Variants in WWOX observed in about 807,000 individuals in gnomAD.
The protein encoded by WWOX is WW domain containing oxidoreductase.
In WWOX, 69 loss-of-function variants were observed where a neutral mutation model predicts 46.2. That is an observed-to-expected ratio of 1.49 (90% CI 1.23 to 1.82). The LOEUF is 1.82. Ranked by LOEUF, WWOX falls within the 40% of genes most tolerant of loss-of-function variation. The pLI is 0.00. For synonymous variants in WWOX, 359 were observed against 202.6 expected, an observed-to-expected ratio of 1.77 and a Z score of -6.56; for missense variants, 919 against 542.6, an observed-to-expected ratio of 1.69 and a Z score of -6.89.
intron 4 of WWOX, among the ~76,000 whole-genome samples, chr16:78,118,655 T>C (rs2032935812): frequency 6.6e-6 from 1 of 152,174 alleles, no homozygotes; most frequent in Admixed American, 6.5e-5. Flanking sequence ...ATCATCTAGC[T>C]CGCAAAACTG....
chr16:79,059,903 T>G (rs2048329156), intron 8 of WWOX, among the ~76,000 whole-genome samples: 1 of 152,332 alleles, frequency 6.6e-6, no homozygotes, highest in South Asian at 2.1e-4. Flanking sequence ...TTTATCAAGT[T>G]CAGATTCTTT....
At position 78,346,619 on chromosome 16, in the gene WWOX, T is replaced by TA. The variant is rs200482206; in HGVS notation, c.517-40241_517-40240insA. Among the ~76,000 whole-genome samples, 2 of 120,060 alleles carry TA rather than the reference T, an allele frequency of 1.7e-5. 1 individual carries two copies. The allele number at this position is 120,060 out of a possible 152,430, so 78.8% of individuals were successfully genotyped here. A position where few individuals can be genotyped will look rare whatever the true frequency, so the allele number is the denominator to read the frequency against. ...GTACATAGTGGTATTTTGTTGTATA[T>TA]TTTTTTTTAATTGTGAAATATGTGA... On this transcript the variant is annotated intron_variant, in intron 5 of 8. Coordinates refer to ENST00000566780, the MANE Select transcript of WWOX (RefSeq NM_016373.4).
At chr16:78,570,526 C>T (rs749282841) in intron 8 of WWOX, among the ~76,000 whole-genome samples, 28 of 152,018 alleles carry the variant, frequency 1.8e-4, no homozygotes, top group African/African-American at 4.8e-5. Flanking sequence ...GTTGCTCAGG[C>T]TGGTCTCATA....
intron 5 of WWOX, among the ~76,000 whole-genome samples, chr16:78,248,780 A>C (rs977108315): frequency 2.6e-5 from 4 of 152,050 alleles, no homozygotes; most frequent in Non-Finnish European, 5.9e-5. Context: ...GTGGGGACAC[A>C]GATTCAAACC....
intron 8 of WWOX, chr16:79,004,172 T>G (rs2047148079): frequency 6.6e-6 from 1 of 152,216 alleles, no homozygotes; most frequent in Non-Finnish European, 1.5e-5. Flanking sequence ...AGAAGACCAC[T>G]GGTTTTGTTT....
At chr16:78,982,931 C>T (rs2046711475) in intron 8 of WWOX, among the ~76,000 whole-genome samples, 1 of 152,130 alleles carries the variant, frequency 6.6e-6, no homozygotes, top group African/African-American at 2.4e-5. Context: ...TAAAATTACC[C>T]TGAGCAGATT....
rs1255345048 is a variant in WWOX at position 79,211,821 on chromosome 16, A to C, written c.*25A>C. Reference sequence around the variant, plus strand: ...AGTGGAGCTCAGAGCGGATGGGCACACACACCCGCCCTGTGTGTGTCCCCT... The same window carrying C: ...AGTGGAGCTCAGAGCGGATGGGCACCCACACCCGCCCTGTGTGTGTCCCCT... On this transcript the variant is annotated 3_prime_UTR_variant, in exon 9 of 9. Coordinates refer to ENST00000566780, the MANE Select transcript of WWOX (RefSeq NM_016373.4). The C allele has an allele frequency of 2.5e-6, 4 of 1,613,590 alleles. No individual in the cohort carries two copies. The highest frequency in any genetic ancestry group is 3.4e-6 in the Non-Finnish European group (4 of 1,179,918).
intron 6 of WWOX, among the ~76,000 whole-genome samples, chr16:78,398,413 C>T (rs1194597119): frequency 3.9e-5 from 6 of 152,110 alleles, no homozygotes; most frequent in Non-Finnish European, 8.8e-5. Flanking sequence ...AGCATAGATT[C>T]CAAAGTGACA....
At chr16:78,622,484 G>C (rs1229748060) in intron 8 of WWOX, among the ~76,000 whole-genome samples, 6 of 151,634 alleles carry the variant, frequency 4.0e-5, no homozygotes, top group Non-Finnish European at 5.9e-5. Flanking sequence ...GGGGGTTGCA[G>C]GGAGCTGAGA....
chr16:79,057,472 T>C (rs938455980), intron 8 of WWOX, among the ~76,000 whole-genome samples: 6 of 152,226 alleles, frequency 3.9e-5, no homozygotes, highest in East Asian at 3.9e-4. Context: ...CATTAGAGTC[T>C]TTCTGTAAAG....
chr16:78,684,774 T>C (rs2047816594), intron 8 of WWOX, among the ~76,000 whole-genome samples: 1 of 152,196 alleles, frequency 6.6e-6, no homozygotes, highest in Admixed American at 6.5e-5. Flanking sequence ...ACCATAGTTG[T>C]CACCTAGTTG....
intron 8 of WWOX, among the ~76,000 whole-genome samples, chr16:79,060,662 A>G (rs190917965): frequency 5.3e-5 from 8 of 152,298 alleles, no homozygotes; most frequent in Admixed American, 4.6e-4. Flanking sequence ...CATTTTGTAA[A>G]CCCAATTACG....
intron 5 of WWOX, among the ~76,000 whole-genome samples, chr16:78,327,398 A>G (rs1288632112): frequency 6.6e-6 from 1 of 152,126 alleles, no homozygotes; most frequent in Non-Finnish European, 1.5e-5. Context: ...AATCTGGGGC[A>G]TCTTCACTGG....
chr16:78,182,006 T>C (rs2035546024), intron 5 of WWOX, among the ~76,000 whole-genome samples: 1 of 152,146 alleles, frequency 6.6e-6, no homozygotes, highest in Non-Finnish European at 1.5e-5. Context: ...TGCAAAAACT[T>C]GCTAACGTCA....
intron 8 of WWOX, among the ~76,000 whole-genome samples, chr16:78,939,605 C>T (rs1293228017): frequency 6.6e-6 from 1 of 152,128 alleles, no homozygotes. Flanking sequence ...CTTAGAATGC[C>T]ATTTTATCAC....
intron 8 of WWOX, among the ~76,000 whole-genome samples, chr16:78,714,071 C>T (rs959083063): frequency 3.3e-5 from 5 of 152,158 alleles, no homozygotes; most frequent in African/African-American, 1.2e-4. Flanking sequence ...CTTAAAGAGA[C>T]TGATGAACCC....
intron 4 of WWOX, among the ~76,000 whole-genome samples, chr16:78,138,504 A>G (rs1597253857): frequency 6.6e-6 from 1 of 152,196 alleles, no homozygotes; most frequent in Non-Finnish European, 1.5e-5. Flanking sequence ...AATTCTTCCT[A>G]CCTTCCATAT....
intron 6 of WWOX, among the ~76,000 whole-genome samples, chr16:78,399,903 C>T (rs536256970): frequency 6.6e-6 from 1 of 152,262 alleles, no homozygotes; most frequent in Non-Finnish European, 1.5e-5. Context: ...TCTTGTCAGC[C>T]TAAAAACTTG....
chr16:78,771,514 G>A (rs1011210870), intron 8 of WWOX, among the ~76,000 whole-genome samples: 22 of 152,200 alleles, frequency 1.4e-4, no homozygotes, highest in African/African-American at 5.3e-4. Context: ...GCTCACGCCT[G>A]TAATCCCAGC....
Sources: allele counts gnomAD v4.1 joint callset (sites outside exome capture counted in the v4.1 genomes callset), GRCh38; gene constraint gnomAD v4.1.1; transcripts MANE v1.5; gene names NCBI Gene and HGNC (gene_info 2026-07-23, HGNC 2026-07-21).